The following CNBD1 variants were observed in gnomAD, a reference collection of about 807,000 sequenced individuals.
CNBD1 encodes cyclic nucleotide-binding domain-containing protein 1.
Under a neutral mutation model 54.4 loss-of-function variants are expected in CNBD1, and 71 were observed. The observed-to-expected ratio is 1.30, with a 90% CI of 1.08 to 1.59. The LOEUF is 1.59. CNBD1 is among the 40% of genes most tolerant of loss of function. The pLI, the probability that CNBD1 is intolerant of heterozygous loss-of-function variation, is 0.00. For missense variants in CNBD1, 659 were observed against 518.0 expected, an observed-to-expected ratio of 1.27 and a Z score of -2.64; for synonymous variants, 182 against 170.7, an observed-to-expected ratio of 1.07 and a Z score of -0.51.
chr8:87,342,342 T>G (rs2130920261), intron 8 of CNBD1, among the ~76,000 whole-genome samples: 1 of 151,652 alleles, frequency 6.6e-6, no homozygotes, highest in East Asian at 1.9e-4. Flanking sequence ...ATGGGAGGAG[T>G]AAGAGTCTGG....
chr8:87,128,917 A>C (rs1586275607), intron 4 of CNBD1, among the ~76,000 whole-genome samples: 1 of 137,358 alleles, frequency 7.3e-6, no homozygotes, highest in Admixed American at 7.5e-5. Context: ...CCCCGTCTCC[A>C]CTTAAAAAAA....
At chr8:86,982,397 T>A (rs1291803077) in intron 4 of CNBD1, among the ~76,000 whole-genome samples, 2 of 152,218 alleles carry the variant, frequency 1.3e-5, no homozygotes, top group Non-Finnish European at 2.9e-5. Flanking sequence ...TTCTCTTATA[T>A]TTCATTCTAG....
rs1563465566 is a variant in CNBD1 at position 87,092,459 on chromosome 8, G to GTGTGTGTGTGTATATATATACACATA, written c.432-113514_432-113489dup. On this transcript the variant is annotated intron_variant, in intron 4 of 10. Coordinates refer to ENST00000518476, the MANE Select transcript of CNBD1 (RefSeq NM_173538.3). ...TGTGTGTGTATATATATACACATAT[G>GTGTGTGTGTGTATATATATACACATA]TGTGTGTGTGTATATATATACACAT... Among the ~76,000 whole-genome samples, 343 of 138,462 alleles carry GTGTGTGTGTGTATATATATACACATA rather than the reference G, an allele frequency of 2.5e-3. 1 individual carries two copies. Among genetic ancestry groups the GTGTGTGTGTGTATATATATACACATA allele is most frequent in the East Asian group, 1.0e-2 (49 of 4,902 alleles). 90.8% of individuals were successfully genotyped at this position (138,462 alleles called of 152,430 possible).
intron 4 of CNBD1, among the ~76,000 whole-genome samples, chr8:87,134,222 C>G (rs1812178825): frequency 6.6e-6 from 1 of 152,046 alleles, no homozygotes. Context: ...TTGATGATTA[C>G]TGATTAATAT....
chr8:87,364,588 C>G (rs575605405), intron 10 of CNBD1, among the ~76,000 whole-genome samples: 7 of 151,530 alleles, frequency 4.6e-5, no homozygotes, highest in Non-Finnish European at 7.4e-5. Context: ...TTTTTGTCAC[C>G]TAGGTATCAA....
At chr8:86,869,453 T>A (rs1808410279) in intron 1 of CNBD1, among the ~76,000 whole-genome samples, 1 of 152,212 alleles carries the variant, frequency 6.6e-6, no homozygotes, top group East Asian at 1.9e-4. Flanking sequence ...GGAGGCAACA[T>A]GTCACACATC....
intron 8 of CNBD1, among the ~76,000 whole-genome samples, chr8:87,326,487 G>T (rs1809671949): frequency 8.2e-6 from 1 of 122,206 alleles, no homozygotes; most frequent in South Asian, 2.4e-4. Context: ...ATATTTCTTG[G>T]AGGCTTTGCT....
At chr8:87,375,359 G>C (rs1403673468) in intron 10 of CNBD1, among the ~76,000 whole-genome samples, 1 of 151,748 alleles carries the variant, frequency 6.6e-6, no homozygotes, top group Non-Finnish European at 1.5e-5. Context: ...ACATTTCAAA[G>C]AGAAAGCAAA....
chr8:87,287,042 C>G (rs1808712628), intron 8 of CNBD1, among the ~76,000 whole-genome samples: 1 of 151,926 alleles, frequency 6.6e-6, no homozygotes. Flanking sequence ...TTTCCTTTTT[C>G]CTGGGTGGAT....
At chr8:87,250,619 C>T (rs1242085189) in intron 6 of CNBD1, among the ~76,000 whole-genome samples, 1 of 152,104 alleles carries the variant, frequency 6.6e-6, no homozygotes, top group African/African-American at 2.4e-5. Flanking sequence ...GGTATATGTA[C>T]ATAATGGGAT....
intron 5 of CNBD1, among the ~76,000 whole-genome samples, chr8:87,206,630 A>G (rs1003340337): frequency 6.6e-6 from 1 of 152,176 alleles, no homozygotes; most frequent in Non-Finnish European, 1.5e-5. Flanking sequence ...GATATAGGGA[A>G]AAAAGCCTCT....
intron 4 of CNBD1, among the ~76,000 whole-genome samples, chr8:87,092,517 A>ATATATATGTG (rs1811235359): frequency 7.9e-6 from 1 of 127,340 alleles, no homozygotes; most frequent in African/African-American, 3.6e-5. Context: ...GTGTGTGTGT[A>ATATATATGTG]TGTGTGTGTA....
intron 4 of CNBD1, among the ~76,000 whole-genome samples, chr8:87,087,634 T>G (rs1467797720): frequency 6.6e-6 from 1 of 151,888 alleles, no homozygotes; most frequent in Admixed American, 6.6e-5. Context: ...CGGCTATTTT[T>G]TTTTTGTATT....
intron 4 of CNBD1, among the ~76,000 whole-genome samples, chr8:87,127,576 A>G (rs1365534241): frequency 6.6e-6 from 1 of 152,146 alleles, no homozygotes; most frequent in African/African-American, 2.4e-5. Flanking sequence ...GATTTTCTCC[A>G]TGGACAATTA....
chr8:87,349,227 T>G (rs1382257487), intron 8 of CNBD1, among the ~76,000 whole-genome samples: 1 of 152,172 alleles, frequency 6.6e-6, no homozygotes, highest in Admixed American at 6.5e-5. Flanking sequence ...ACATTTATCT[T>G]GACAGCATAA....
At chr8:87,150,849 C>G (rs1267538395) in intron 4 of CNBD1, among the ~76,000 whole-genome samples, 1 of 152,098 alleles carries the variant, frequency 6.6e-6, no homozygotes, top group East Asian at 1.9e-4. Context: ...CTCTTGGGTG[C>G]TTGAGAAGGA....
intron 5 of CNBD1, among the ~76,000 whole-genome samples, chr8:87,229,021 G>A (rs1814593626): frequency 6.6e-6 from 1 of 152,184 alleles, no homozygotes; most frequent in Non-Finnish European, 1.5e-5. Flanking sequence ...TCCAGGTGCG[G>A]TCCCTCACCC....
intron 4 of CNBD1, among the ~76,000 whole-genome samples, chr8:87,004,170 A>G (rs1002474541): frequency 3.3e-5 from 5 of 152,186 alleles, no homozygotes; most frequent in Non-Finnish European, 5.9e-5. Context: ...AAGAGGTTTA[A>G]TTGGCTCATA....
At chr8:87,186,987 T>A (rs1813491738) in intron 4 of CNBD1, among the ~76,000 whole-genome samples, 2 of 152,120 alleles carry the variant, frequency 1.3e-5, no homozygotes, top group South Asian at 4.1e-4. Context: ...ATTTGATAAA[T>A]CAATTCTTCA....
Sources: gnomAD v4.1 joint callset for allele counts (sites outside exome capture counted in the v4.1 genomes callset) on GRCh38, gnomAD v4.1.1 for gene constraint, MANE v1.5 for transcripts, NCBI Gene and HGNC (gene_info 2026-07-23, HGNC 2026-07-21) for gene names.